EXOC6B: variants seen among roughly 807,000 people sequenced by gnomAD.
EXOC6B encodes exocyst complex component 6B, also known as SEC15 homolog B.
Under a neutral mutation model 113.5 loss-of-function variants are expected in EXOC6B, and 54 were observed. The ratio of observed to expected loss-of-function variants is 0.48; its 90% confidence interval spans 0.38 to 0.60. EXOC6B has a LOEUF of 0.60. EXOC6B is among the 20% of genes least tolerant of loss of function. The probability of loss-of-function intolerance (pLI) is 0.00; values close to 1 mark genes in which losing one functional copy is unlikely to be tolerated. For missense variants in EXOC6B, 797 were observed against 977.5 expected (o/e 0.82, Z 2.46); for synonymous variants, 357 against 339.0 (o/e 1.05, Z -0.58).
chr2:72,537,444 C>CA (rs1468181657), intron 8 of EXOC6B, among the ~76,000 whole-genome samples: 1 of 94,636 alleles, frequency 1.1e-5, no homozygotes, highest in South Asian at 3.5e-4. Context: ...CCTGTCTCTA[C>CA]AAAAAATACA....
At chr2:72,635,772 C>T (rs984413382) in intron 6 of EXOC6B, among the ~76,000 whole-genome samples, 2 of 152,158 alleles carry the variant, frequency 1.3e-5, no homozygotes, top group African/African-American at 4.8e-5. Context: ...AACCAATATC[C>T]TTCATGCATT....
chr2:72,305,667 T>C (rs1686809960), intron 20 of EXOC6B, among the ~76,000 whole-genome samples: 1 of 152,174 alleles, frequency 6.6e-6, no homozygotes, highest in African/African-American at 2.4e-5. Context: ...AAGACACAGA[T>C]AATAATAGCT....
rs1310622241 is a variant in EXOC6B at position 72,401,539 on chromosome 2, ATATATGTG to A, written c.1981-21677_1981-21670del. Among the ~76,000 whole-genome samples the A allele has an allele frequency of 1.1e-4, 3 of 26,468 alleles. No homozygotes were observed. In the African/African-American group the frequency reaches 2.3e-3, roughly 20 times the overall value. 17.4% of individuals were successfully genotyped at this position (26,468 alleles called of 152,430 possible). ...TACATATATACATATATATATATAT[ATATATGTG>A]TATATATATATATATATACATATAT... On this transcript the variant is annotated intron_variant, in intron 18 of 21. Coordinates refer to ENST00000272427, the MANE Select transcript of EXOC6B (RefSeq NM_015189.3).
intron 6 of EXOC6B, among the ~76,000 whole-genome samples, chr2:72,650,119 G>T (rs1361065914): frequency 1.3e-5 from 2 of 152,200 alleles, no homozygotes; most frequent in Non-Finnish European, 2.9e-5. Context: ...TCTCACAGGG[G>T]TGTGAACCCT....
chr2:72,480,877 G>C, intron 16 of EXOC6B, 127 bp from the exon 17 acceptor site: 1 of 937,410 alleles, frequency 1.1e-6, no homozygotes, highest in South Asian at 1.7e-5. Context: ...ATTCGGGCAA[G>C]GGGTATGTTA....
intron 6 of EXOC6B, among the ~76,000 whole-genome samples, chr2:72,620,013 C>T (rs1229560959): frequency 6.6e-6 from 1 of 152,220 alleles, no homozygotes; most frequent in Non-Finnish European, 1.5e-5. Flanking sequence ...GACGGCTTCC[C>T]CGCAGGACTG....
intron 21 of EXOC6B, among the ~76,000 whole-genome samples, chr2:72,183,509 T>C (rs1161472935): frequency 6.6e-6 from 1 of 152,160 alleles, no homozygotes; most frequent in Non-Finnish European, 1.5e-5. Flanking sequence ...TAGTGACTGC[T>C]TAAGGCAAGA....
intron 18 of EXOC6B, among the ~76,000 whole-genome samples, chr2:72,413,257 A>G (rs1309975451): frequency 1.3e-5 from 2 of 150,980 alleles, no homozygotes; most frequent in Non-Finnish European, 2.9e-5. Context: ...CACTGCGCCC[A>G]GCCCAGAAGT....
In EXOC6B at chr2:72,666,036, G is replaced by T. The variant is rs370410656; in HGVS notation, c.669+52067C>A. On this transcript the variant is annotated intron_variant, in intron 6 of 21. Coordinates refer to ENST00000272427, the MANE Select transcript of EXOC6B (RefSeq NM_015189.3). ...TGGAAAATAAAAAAGAGCAGGGATT[G>T]CTATTTTTATATCAGATAAACCAGA... is the stretch of plus-strand genomic sequence containing the variant. Among the ~76,000 whole-genome samples the T allele has an allele frequency of 1.6e-4, 25 of 152,266 alleles. 2 individuals are homozygous for T. Among genetic ancestry groups the T allele is most frequent in the African/African-American group, 5.1e-4 (21 of 41,556 alleles).
At chr2:72,316,822 G>C (rs80054052) in intron 20 of EXOC6B, among the ~76,000 whole-genome samples, 2 of 152,278 alleles carry the variant, frequency 1.3e-5, no homozygotes, top group East Asian at 3.9e-4. Context: ...GGACCCAAAG[G>C]GGGGACAATT....
intron 18 of EXOC6B, among the ~76,000 whole-genome samples, chr2:72,401,513 A>G (rs1455782609): frequency 2.5e-5 from 1 of 39,688 alleles, no homozygotes; most frequent in Non-Finnish European, 3.8e-5. Context: ...ATATATATAT[A>G]TACATATATA....
At chr2:72,297,591 T>C (rs1040123980) in intron 20 of EXOC6B, among the ~76,000 whole-genome samples, 3 of 152,212 alleles carry the variant, frequency 2.0e-5, no homozygotes, top group Admixed American at 1.3e-4. Context: ...CTTTTAATTG[T>C]GATGTTAGGG....
chr2:72,394,019 T>C (rs1050782970), intron 18 of EXOC6B, among the ~76,000 whole-genome samples: 1 of 152,180 alleles, frequency 6.6e-6, no homozygotes, highest in African/African-American at 2.4e-5. Flanking sequence ...AACCTTTGTC[T>C]CAATTTCCTT....
rs542216950 is a variant in EXOC6B, at chr2:72,402,594, T to G, written c.1981-22724A>C. Among the ~76,000 whole-genome samples the G allele has an allele frequency of 2.0e-5, 3 of 152,326 alleles. No homozygotes were observed. In the South Asian group the frequency reaches 6.2e-4, roughly 32 times the overall value. ...AAATGTGTTAAATTCTACATTATTT[T>G]TGAGGAAACATTTTGCCAGACATAG... On this transcript the variant is annotated intron_variant, in intron 18 of 21. Transcript: ENST00000272427.
At chr2:72,465,047 A>C in intron 18 of EXOC6B, 113 bp downstream of exon 18, 2 of 827,586 alleles carry the variant, frequency 2.4e-6, no homozygotes, top group South Asian at 3.2e-5. Context: ...ATGCGCCTTT[A>C]TATACTGAAA....
At chr2:72,180,975 C>T (rs567457113) in intron 21 of EXOC6B, among the ~76,000 whole-genome samples, 8 of 152,066 alleles carry the variant, frequency 5.3e-5, no homozygotes, top group South Asian at 2.1e-4. Context: ...TTTGGGAGGC[C>T]GAGGCGGGTG....
intron 16 of EXOC6B, among the ~76,000 whole-genome samples, chr2:72,488,981 C>T (rs1021418846): frequency 6.6e-6 from 1 of 152,216 alleles, no homozygotes; most frequent in Admixed American, 6.5e-5. Flanking sequence ...TTGCTCACTC[C>T]ACTCCAGCTA....
chr2:72,407,291 G>A (rs1409710448), intron 18 of EXOC6B, among the ~76,000 whole-genome samples: 1 of 152,176 alleles, frequency 6.6e-6, no homozygotes, highest in Non-Finnish European at 1.5e-5. Context: ...GAGGTACAAG[G>A]AGGAGCTGGT....
At chr2:72,551,340 G>A (rs973701374) in intron 8 of EXOC6B, among the ~76,000 whole-genome samples, 1 of 151,146 alleles carries the variant, frequency 6.6e-6, no homozygotes, top group African/African-American at 2.4e-5. Context: ...TGGGATTACA[G>A]GTGTGTGCCA....
Sources: allele counts gnomAD v4.1 joint callset (sites outside exome capture counted in the v4.1 genomes callset), GRCh38; gene constraint gnomAD v4.1.1; transcripts MANE v1.5; gene names NCBI Gene and HGNC (gene_info 2026-07-23, HGNC 2026-07-21).